The following DMAP1 variants were observed in gnomAD, a reference collection of about 807,000 sequenced individuals.
DMAP1 encodes DNA methyltransferase 1-associated protein 1.
Under a neutral mutation model 52.7 loss-of-function variants are expected in DMAP1, and 26 were observed. That is an observed-to-expected ratio of 0.49 (90% confidence interval 0.36 to 0.68). The LOEUF (loss-of-function observed/expected upper bound fraction) is 0.68, where lower values mean the gene tolerates loss of function less well. Ranked by LOEUF, DMAP1 falls within the 30% of genes least tolerant of loss-of-function variation. DMAP1 has a pLI of 0.00. For missense variants in DMAP1, 439 were observed against 625.2 expected (o/e 0.70, Z 3.18); for synonymous variants, 231 against 246.0 (o/e 0.94, Z 0.57).
Position 44,220,253 on chromosome 1 carries a change from C to A in DMAP1, c.1288C>A (p.Pro430Thr). The stretch of plus-strand genomic sequence containing the variant: ...GGCAGTGACTGAACCCGGACTTGGT[C>A]CTGACCCCAAGGACACCATCATTGA... Reference protein sequence around the residue: ...EPAVTEPGLGPDPKDTIIDVV... With the variant: ...EPAVTEPGLGTDPKDTIIDVV... Residue 430 changes from proline (P) to threonine (T), a missense_variant, in exon 9 of 10, where the codon CCT (proline) becomes ACT (threonine). Pro to Thr is a conservative substitution (Grantham distance 38). Around this residue, in one of 3 missense-constraint regions of DMAP1, gnomAD observed 179 missense variants for 285.9 expected, o/e 0.63. Transcript: ENST00000372289. 6.3e-7 allele frequency: 1 copy of A among 1,575,666 alleles called. No individual in the cohort carries two copies. Among genetic ancestry groups the A allele is most frequent in the Non-Finnish European group, 8.7e-7 (1 of 1,155,432 alleles).
Position 44,220,628 on chromosome 1 carries a change from C to A in DMAP1, c.*10C>A. The A allele has an allele frequency of 6.2e-7, 1 of 1,614,186 alleles. No individual in the cohort carries two copies. The highest frequency in any genetic ancestry group is 8.5e-7 in the Non-Finnish European group (1 of 1,180,022). On this transcript the variant is annotated 3_prime_UTR_variant, in exon 10 of 10. Coordinates refer to ENST00000372289, the MANE Select transcript of DMAP1 (RefSeq NM_019100.5). ...AGCCAAGAAGCCGTGAGAGGCCCCA[C>A]GGGGTGTGGGCGACGCTGTTATGTA...
At chr1:44,214,674 C>A in intron 2 of DMAP1, 29 bp from the exon 3 acceptor site, 2 of 1,611,992 alleles carry the variant, frequency 1.2e-6, no homozygotes, top group Non-Finnish European at 1.7e-6. Context: ...CTGATTCTAA[C>A]CTCGCATCTC....
At position 44,213,721 on chromosome 1, in the gene DMAP1, G is replaced by A. The variant is rs747991748; in HGVS notation, c.-33G>A. On this transcript the variant is annotated 5_prime_UTR_variant, in exon 1 of 10. Transcript: ENST00000372289. This position sits in a 1 kb window ranked among gnomAD's most constrained non-coding sequence, Gnocchi z 4.5. ...GGTCCTTCTTCAGGCACTGACCCTTGACCTCCGGTGGCTCCCCCATCTCTC... is the reference window on the plus strand; with the variant it reads ...GGTCCTTCTTCAGGCACTGACCCTTAACCTCCGGTGGCTCCCCCATCTCTC... The A allele has an allele frequency of 3.7e-5, 58 of 1,552,536 alleles. No individual in the cohort carries two copies. The highest frequency in any genetic ancestry group is 2.6e-6 in the Non-Finnish European group (3 of 1,146,838).
intron 7 of DMAP1, 147 bp downstream of exon 7, chr1:44,219,624 G>A: frequency 8.8e-7 from 1 of 1,140,700 alleles, no homozygotes; most frequent in Non-Finnish European, 1.2e-6. Context: ...CAGTGATGTG[G>A]CCAGGCTAAG....
chr1:44,216,411 T>C (rs989307424), intron 3 of DMAP1: 3 of 151,906 alleles, frequency 2.0e-5, no homozygotes, highest in Non-Finnish European at 2.9e-5. Context: ...TGTGTTTTTT[T>C]AAGAGACTGG....
chr1:44,215,099 C>T (rs564500357), intron 3 of DMAP1: 492 of 706,648 alleles, frequency 7.0e-4, no homozygotes, highest in Non-Finnish European at 1.2e-3. Context: ...CTTTCCCGGA[C>T]CTGCTCTGGT....
Position 44,218,185 on chromosome 1 carries a change from C to T in DMAP1, c.394-126C>T, listed in dbSNP as rs1643832176. On this transcript the variant is annotated intron_variant, in intron 3 of 9. Transcript: ENST00000372289. The surrounding 1 kb of genome is among the most constrained non-coding windows in gnomAD (Gnocchi z 5.6). The stretch of plus-strand genomic sequence containing the variant: ...AAGCAGACAAGTTCTTTCCTCACTC[C>T]ATGCTGCAGGGGCACAGGCCCAGGG... 2 of 1,291,854 alleles carry T rather than the reference C, an allele frequency of 1.5e-6. No individual in the cohort carries two copies. Among genetic ancestry groups the T allele is most frequent in the South Asian group, 2.4e-5 (2 of 84,098 alleles). The allele number at this position is 1,291,854 out of a possible 1,614,324, so 80.0% of individuals were successfully genotyped here.
rs917343309 is a variant in DMAP1, at chr1:44,220,009, G to A, written c.1052-8G>A. On this transcript the variant is annotated splice_region_variant and splice_polypyrimidine_tract_variant and intron_variant, in intron 8 of 9. Transcript: ENST00000372289. ...GCTCTGCCCGTGCTGCCTGCCGCCTGCCTGCAGAGCTGAGCCCGACACCTA... is the reference window on the plus strand; with the variant it reads ...GCTCTGCCCGTGCTGCCTGCCGCCTACCTGCAGAGCTGAGCCCGACACCTA... 5.6e-6 allele frequency: 9 copies of A among 1,597,960 alleles called. No homozygotes were observed. Among genetic ancestry groups the A allele is most frequent in the Admixed American group, 3.4e-5 (2 of 59,278 alleles).
Position 44,213,926 on chromosome 1 carries a change from C to G in DMAP1, c.105+68C>G, listed in dbSNP as rs1053148773. ...GAGTGAAGATGGGGAGGAGTGACAA[C>G]GGGCAAGGGATGGGTGCTACACTTA... On this transcript the variant is annotated intron_variant, in intron 1 of 9. Transcript: ENST00000372289. The surrounding 1 kb of genome is among the most constrained non-coding windows in gnomAD (Gnocchi z 4.5). 2.1e-6 allele frequency: 3 copies of G among 1,409,492 alleles called. No individual in the cohort carries two copies. The highest frequency in any genetic ancestry group is 3.5e-4 in the Middle Eastern group (2 of 5,736). The allele number at this position is 1,409,492 out of a possible 1,614,324, so 87.3% of individuals were successfully genotyped here. A position where few individuals can be genotyped will look rare whatever the true frequency, so the allele number is the denominator to read the frequency against.
rs1269132597 is a variant in DMAP1 at position 44,214,907 on chromosome 1, C to T, written c.393+9C>T. ...TTGCCAGGTTCAATAAGGTAAGCTACCTTCATTCGGACACAGGCCAAGATT... is the reference window on the plus strand; with the variant it reads ...TTGCCAGGTTCAATAAGGTAAGCTATCTTCATTCGGACACAGGCCAAGATT... On this transcript the variant is annotated intron_variant, in intron 3 of 9. Coordinates refer to ENST00000372289, the MANE Select transcript of DMAP1 (RefSeq NM_019100.5). The T allele has an allele frequency of 1.4e-5, 22 of 1,613,954 alleles. No homozygotes were observed. Among genetic ancestry groups the T allele is most frequent in the Non-Finnish European group, 1.7e-5 (20 of 1,180,010 alleles).
chr1:44,218,935 C>G lies in DMAP1; in HGVS notation c.721-121C>G. On this transcript the variant is annotated intron_variant, in intron 5 of 9. Transcript: ENST00000372289. The surrounding 1 kb of genome is among the most constrained non-coding windows in gnomAD (Gnocchi z 5.6). Reference sequence around the variant, plus strand: ...CCCCCCTGCTTTTCATAGCCCTTCACCTCCCTCATGATCCATTACTTCTCA... The same window carrying G: ...CCCCCCTGCTTTTCATAGCCCTTCAGCTCCCTCATGATCCATTACTTCTCA... The G allele has an allele frequency of 7.0e-7, 1 of 1,437,684 alleles. No homozygotes were observed. Among genetic ancestry groups the G allele is most frequent in the Non-Finnish European group, 9.5e-7 (1 of 1,053,008 alleles). 89.1% of individuals were successfully genotyped at this position (1,437,684 alleles called of 1,614,324 possible).
At chr1:44,220,380 C>T (rs1234429495) in intron 9 of DMAP1, 71 bp downstream of exon 9, 2 of 1,520,042 alleles carry the variant, frequency 1.3e-6, no homozygotes, top group African/African-American at 2.8e-5. Flanking sequence ...GGTGTAGGGG[C>T]TCCTCTCCCT....
Position 44,218,452 on chromosome 1 carries a change from G to A in DMAP1, c.535G>A (p.Asp179Asn). Residue 179 changes from aspartate to asparagine, a missense_variant, in exon 4 of 10, where the codon GAC becomes AAC. By Grantham distance (23) the Asp-to-Asn change is conservative (BLOSUM62 1). This residue lies in a region of DMAP1 where 142 missense variants were observed against 149.5 expected (regional missense o/e 0.95). Transcript: ENST00000372289. The surrounding 1 kb of genome is among the most constrained non-coding windows in gnomAD (Gnocchi z 5.6). ...TTTTGTTGTTATCCATGACCGGTATGACCACCAGCAGTTCAAGGTGAGCCA... is the reference window on the plus strand; with the variant it reads ...TTTTGTTGTTATCCATGACCGGTATAACCACCAGCAGTTCAAGGTGAGCCA... ...LRFVVIHDRY[D>N]HQQFKKRSVE... 1 of 1,614,198 alleles carries A rather than the reference G, an allele frequency of 6.2e-7. No individual in the cohort carries two copies. The highest frequency in any genetic ancestry group is 2.2e-5 in the East Asian group (1 of 44,886).
rs772103921 is a variant in DMAP1, at chr1:44,218,680, A to C, written c.645A>C (p.Ile215=). The C allele has an allele frequency of 1.2e-6, 2 of 1,613,928 alleles. No homozygotes were observed. The highest frequency in any genetic ancestry group is 2.2e-5 in the South Asian group (2 of 91,078). The change falls in exon 5 of 10, where the codon ATA becomes ATC. Residue 215 remains isoleucine, a synonymous_variant. Coordinates refer to ENST00000372289, the MANE Select transcript of DMAP1 (RefSeq NM_019100.5). The surrounding 1 kb of genome is among the most constrained non-coding windows in gnomAD (Gnocchi z 5.6). ...VRAVPGTDLK[I]PVFDAGHERR... ...CTGTGCCAGGCACAGACCTTAAGAT[A>C]CCAGTATTTGATGCTGGGCACGAAC...
chr1:44,218,162 G>A lies in DMAP1; in HGVS notation c.394-149G>A. 1 of 1,046,388 alleles carries A rather than the reference G, an allele frequency of 9.6e-7. No homozygotes were observed. Among genetic ancestry groups the A allele is most frequent in the Non-Finnish European group, 1.5e-6 (1 of 671,064 alleles). The allele number at this position is 1,046,388 out of a possible 1,614,324, so 64.8% of individuals were successfully genotyped here. On this transcript the variant is annotated intron_variant, in intron 3 of 9. Transcript: ENST00000372289. This position sits in a 1 kb window ranked among gnomAD's most constrained non-coding sequence, Gnocchi z 5.6. Reference sequence around the variant, plus strand: ...AAACCCTGCTAGGACCTCTAGTCAAGCAGACAAGTTCTTTCCTCACTCCAT... The same window carrying A: ...AAACCCTGCTAGGACCTCTAGTCAAACAGACAAGTTCTTTCCTCACTCCAT...
At chr1:44,216,065 T>G (rs546064024) in intron 3 of DMAP1, 1 of 152,312 alleles carries the variant, frequency 6.6e-6, no homozygotes, top group South Asian at 2.1e-4. Flanking sequence ...TCAGCTGCAG[T>G]ATGAGCTTTG....
chr1:44,219,017 G>C (rs747136197), intron 5 of DMAP1, 39 bp from the exon 6 acceptor site: 2 of 1,609,636 alleles, frequency 1.2e-6, no homozygotes, highest in Admixed American at 3.3e-5. Context: ...CTCACTCCTA[G>C]AAGTGCCCTC....
rs1643845932 is a variant in DMAP1, at chr1:44,218,771, C to G, written c.720+16C>G. ...CCCAGAGCAGGTAAGCCCAAGGCCACATACCTGTCCTCCATGCCCCAAACC... is the reference window on the plus strand; with the variant it reads ...CCCAGAGCAGGTAAGCCCAAGGCCAGATACCTGTCCTCCATGCCCCAAACC... On this transcript the variant is annotated intron_variant, in intron 5 of 9. Transcript: ENST00000372289. This position sits in a 1 kb window ranked among gnomAD's most constrained non-coding sequence, Gnocchi z 5.6. 6.3e-7 allele frequency: 1 copy of G among 1,585,052 alleles called. No homozygotes were observed. Among genetic ancestry groups the G allele is most frequent in the Non-Finnish European group, 8.6e-7 (1 of 1,161,098 alleles).
rs999031753 is a variant in DMAP1 at position 44,218,914 on chromosome 1, C to T, written c.721-142C>T. 16 of 1,408,022 alleles carry T rather than the reference C, an allele frequency of 1.1e-5. No homozygotes were observed. The highest frequency in any genetic ancestry group is 1.5e-5 in the Non-Finnish European group (15 of 1,033,602). 87.2% of individuals were successfully genotyped at this position (1,408,022 alleles called of 1,614,324 possible). A position where few individuals can be genotyped will look rare whatever the true frequency, so the allele number is the denominator to read the frequency against. Reference sequence around the variant, plus strand: ...TTCCTACTTCTCATGGGCCATCCCCCCTGCTTTTCATAGCCCTTCACCTCC... The same window carrying T: ...TTCCTACTTCTCATGGGCCATCCCCTCTGCTTTTCATAGCCCTTCACCTCC... On this transcript the variant is annotated intron_variant, in intron 5 of 9. Transcript: ENST00000372289. This position sits in a 1 kb window ranked among gnomAD's most constrained non-coding sequence, Gnocchi z 5.6.
Sources: gnomAD v4.1 joint callset for allele counts on GRCh38, gnomAD v4.1.1 for gene constraint, gnomAD v4.1.1 regional missense constraint, Gnocchi (gnomAD v3.1) non-coding constraint, MANE v1.5 for transcripts, NCBI Gene and HGNC (gene_info 2026-07-23, HGNC 2026-07-21) for gene names.